Variants in ZNF236 observed in about 807,000 individuals in gnomAD.
ZNF236 encodes regulated by glucose.
ZNF236 carries 50 observed loss-of-function variants against 191.2 expected under a neutral mutation model. That is an observed-to-expected ratio of 0.26 (90% CI 0.21 to 0.33). The LOEUF is 0.33. Ranked by LOEUF, ZNF236 falls within the 10% of genes least tolerant of loss-of-function variation. The pLI, the probability that ZNF236 is intolerant of heterozygous loss-of-function variation, is 1.00. For synonymous variants in ZNF236, 907 were observed against 928.8 expected, an observed-to-expected ratio of 0.98 and a Z score of 0.43; for missense variants, 1,754 against 2,374.5, an observed-to-expected ratio of 0.74 and a Z score of 5.43.
At position 76,925,816 on chromosome 18, in the gene ZNF236, A is replaced by G. The variant is rs1032481981; in HGVS notation, c.4027+262A>G. Among the ~76,000 whole-genome samples, 2 of 152,086 alleles carry G rather than the reference A, an allele frequency of 1.3e-5. No homozygotes were observed. The highest frequency in any genetic ancestry group is 2.1e-4 in the South Asian group (1 of 4,824). Reference sequence around the variant, plus strand: ...TAGCTTTTGTTTTTAGTGGGTGTAAACCTGTTTTTACTCAGTTGGCATTCT... The same window carrying G: ...TAGCTTTTGTTTTTAGTGGGTGTAAGCCTGTTTTTACTCAGTTGGCATTCT... On this transcript the variant is annotated intron_variant, in intron 22 of 30. Coordinates refer to ENST00000320610, the MANE Select transcript of ZNF236 (RefSeq NM_001306089.2). The surrounding 1 kb of genome is among the most constrained non-coding windows in gnomAD (Gnocchi z 5.7).
At chr18:76,939,795 G>T (rs1274674534) in intron 26 of ZNF236, among the ~76,000 whole-genome samples, 281 of 117,764 alleles carry the variant, frequency 2.4e-3, no homozygotes, top group Middle Eastern at 0.019. Flanking sequence ...CACGGTGGGC[G>T]ACCCTAGCAC....
rs570554623 is a variant in ZNF236 at position 76,950,501 on chromosome 18, A to G, written c.4914+2849A>G. On this transcript the variant is annotated intron_variant, in intron 27 of 30. Coordinates refer to ENST00000320610, the MANE Select transcript of ZNF236 (RefSeq NM_001306089.2). ...ATGAGATCCTTATCTGCTCAGTTAT[A>G]TATACCATGAGATCCTTATCTGCTG... Among the ~76,000 whole-genome samples, 131 of 152,272 alleles carry G rather than the reference A, an allele frequency of 8.6e-4. 1 individual carries two copies. The highest frequency in any genetic ancestry group is 1.0e-3 in the Non-Finnish European group (70 of 68,022).
At chr18:76,847,179 GGCAA>G (rs1306841766) in intron 1 of ZNF236, among the ~76,000 whole-genome samples, 1 of 151,954 alleles carries the variant, frequency 6.6e-6, no homozygotes, top group Non-Finnish European at 1.5e-5. Context: ...CTCATTTTTG[GGCAA>G]CATATTAAGT....
At chr18:76,915,621 C>A in intron 18 of ZNF236, 26 bp from the exon 19 acceptor site, 1 of 1,609,956 alleles carries the variant, frequency 6.2e-7, no homozygotes, top group Non-Finnish European at 8.5e-7. Flanking sequence ...TGGTTCCAGC[C>A]GTTTTTTCTG....
intron 7 of ZNF236, among the ~76,000 whole-genome samples, chr18:76,878,832 C>T (rs1328198956): frequency 2.6e-5 from 4 of 152,160 alleles, no homozygotes; most frequent in African/African-American, 9.7e-5. Context: ...AATGCAGTTA[C>T]TTGGTTGTAT....
chr18:76,950,115 T>C (rs900170555), intron 27 of ZNF236, among the ~76,000 whole-genome samples: 1 of 152,148 alleles, frequency 6.6e-6, no homozygotes, highest in Non-Finnish European at 1.5e-5. Flanking sequence ...AAGGTGGTGG[T>C]TGTTGAAGTT....
At chr18:76,965,113 G>A (rs959108193) in intron 30 of ZNF236, among the ~76,000 whole-genome samples, 2 of 151,926 alleles carry the variant, frequency 1.3e-5, no homozygotes, top group Admixed American at 6.6e-5. Context: ...TGTTAGATTG[G>A]GTTAATTCGA....
At chr18:76,834,744 T>C in intron 1 of ZNF236, 1 of 440,518 alleles carries the variant, frequency 2.3e-6, no homozygotes, top group South Asian at 1.9e-5. Context: ...TCCTTTCGGA[T>C]GGGCATGGAT....
intron 3 of ZNF236, among the ~76,000 whole-genome samples, chr18:76,864,015 A>G (rs191679416): frequency 1.5e-4 from 23 of 152,252 alleles, no homozygotes; most frequent in African/African-American, 5.3e-4. Flanking sequence ...AGCCTCCTTC[A>G]GTCAAAGACC....
chr18:76,892,168 GTTTTTTTTTTTT>G (rs34870901), intron 9 of ZNF236, among the ~76,000 whole-genome samples: 1 of 52,776 alleles, frequency 1.9e-5, no homozygotes, highest in East Asian at 7.5e-4. Context: ...TTTCTTCTGG[GTTTTTTTTTTTT>G]TTTTTTTTTG....
rs547001843 is a variant in ZNF236 at position 76,971,605 on chromosome 18, C to T, written c.*3266C>T. ...CTCATATCACATTTATTACAAGAGACGCATGTGTTAGCACAGCTACACAAT... is the reference window on the plus strand; with the variant it reads ...CTCATATCACATTTATTACAAGAGATGCATGTGTTAGCACAGCTACACAAT... On this transcript the variant is annotated 3_prime_UTR_variant, in exon 31 of 31. Transcript: ENST00000320610. Among the ~76,000 whole-genome samples the T allele has an allele frequency of 1.8e-3, 281 of 152,280 alleles. No individual in the cohort carries two copies. Among genetic ancestry groups the T allele is most frequent in the Non-Finnish European group, 2.8e-3 (191 of 68,024 alleles).
At position 76,947,529 on chromosome 18, in the gene ZNF236, G is replaced by A. The variant is rs374391641; in HGVS notation, c.4791G>A (p.Gln1597=). 6.2e-7 allele frequency: 1 copy of A among 1,613,408 alleles called. No homozygotes were observed. Among genetic ancestry groups the A allele is most frequent in the African/African-American group, 1.3e-5 (1 of 74,862 alleles). Residue 1597 remains glutamine (Q), a synonymous_variant, in exon 27 of 31, where the codon CAG becomes CAA. Transcript: ENST00000320610. The part of the protein sequence containing the change: ...VTLNITSQGQ[Q]FPALLTDPSL... ...TACTAATCTTTTGCCAGGGTCAGCA[G>A]TTCCCAGCGCTCCTCACGGATCCCT...
At chr18:76,849,845 T>C (rs1402626074) in intron 2 of ZNF236, among the ~76,000 whole-genome samples, 177 bp downstream of exon 2, 1 of 152,260 alleles carries the variant, frequency 6.6e-6, no homozygotes, top group Non-Finnish European at 1.5e-5. Flanking sequence ...TAGCTATTAT[T>C]TGATAAGGCG....
chr18:76,833,027 C>G (rs1975217812), intron 1 of ZNF236, among the ~76,000 whole-genome samples: 1 of 152,016 alleles, frequency 6.6e-6, no homozygotes. Flanking sequence ...GTTGCTTGTT[C>G]ATAGAAATAC....
At chr18:76,938,821 G>C (rs906003650) in intron 26 of ZNF236, among the ~76,000 whole-genome samples, 3 of 152,180 alleles carry the variant, frequency 2.0e-5, no homozygotes, top group East Asian at 1.9e-4. Context: ...CGTGCCCCCA[G>C]GGACCTGTCG....
chr18:76,928,477 A>G (rs922992715), intron 25 of ZNF236, among the ~76,000 whole-genome samples: 1 of 152,190 alleles, frequency 6.6e-6, no homozygotes, highest in Admixed American at 6.5e-5. Flanking sequence ...GGCATTTTAG[A>G]TCCGCATGGC....
At chr18:76,947,780 T>C (rs1968300677) in intron 27 of ZNF236, 128 bp downstream of exon 27, 9 of 1,139,560 alleles carry the variant, frequency 7.9e-6, no homozygotes, top group Admixed American at 2.7e-5. Context: ...TTCTGAGGTG[T>C]CCCCGGCTGA....
chr18:76,914,059 C>T (rs1967290717), intron 18 of ZNF236, among the ~76,000 whole-genome samples, 161 bp downstream of exon 18: 1 of 152,222 alleles, frequency 6.6e-6, no homozygotes, highest in African/African-American at 2.4e-5. Context: ...AATTTTAGGA[C>T]ATTTTTATTA....
At chr18:76,951,944 A>C (rs1214499661) in intron 27 of ZNF236, among the ~76,000 whole-genome samples, 3 of 152,224 alleles carry the variant, frequency 2.0e-5, no homozygotes, top group African/African-American at 7.2e-5. Flanking sequence ...CAGTTGGTGA[A>C]GCAGTCAGAC....
Sources: allele counts gnomAD v4.1 joint callset (sites outside exome capture counted in the v4.1 genomes callset), GRCh38; gene constraint gnomAD v4.1.1; non-coding constraint Gnocchi (gnomAD v3.1); transcripts MANE v1.5; gene names NCBI Gene and HGNC (gene_info 2026-07-23, HGNC 2026-07-21).